The following MFGE8 variants were observed in gnomAD, a reference collection of about 807,000 sequenced individuals.
MFGE8 encodes milk fat globule EGF and factor V/VIII domain containing, also known as lactadherin.
In MFGE8, 34 loss-of-function variants were observed where a neutral mutation model predicts 42.6. The ratio of observed to expected loss-of-function variants is 0.80; its 90% CI spans 0.61 to 1.06. The LOEUF is 1.06. Among genes scored for constraint, MFGE8 ranks in the 50% least tolerant of loss-of-function variants. The probability of loss-of-function intolerance (pLI) is 0.00; values close to 1 mark genes in which losing one functional copy is unlikely to be tolerated. For synonymous variants in MFGE8, 230 were observed against 214.8 expected (o/e 1.07, Z -0.62); for missense variants, 510 against 516.9 (o/e 0.99, Z 0.13).
intron 1 of MFGE8, chr15:88,912,330 GC>G: frequency 1.0e-6 from 1 of 985,292 alleles, no homozygotes; most frequent in Non-Finnish European, 1.2e-6. Context: ...AGGGCCAGGA[GC>G]TCCCAAGTTC....
chr15:88,913,231 G>C lies in MFGE8; in HGVS notation c.73+16C>G, dbSNP rs762627401. 6.7e-7 allele frequency: 1 copy of C among 1,500,998 alleles called. No homozygotes were observed. Among genetic ancestry groups the C allele is most frequent in the Non-Finnish European group, 8.8e-7 (1 of 1,131,908 alleles). 93.0% of individuals were successfully genotyped at this position (1,500,998 alleles called of 1,614,324 possible). On this transcript the variant is annotated intron_variant, in intron 1 of 7. Transcript: ENST00000268150. ...GGAGGAGGGGCGAGGGGCAGAGGGC[G>C]GCGCGATCCACTCACCCAGGGCGAC...
rs1198632700 is a variant in MFGE8, at chr15:88,905,378, C to A, written c.685+379G>T. On this transcript the variant is annotated intron_variant, in intron 5 of 7. Coordinates refer to ENST00000268150, the MANE Select transcript of MFGE8 (RefSeq NM_005928.4). This position sits in a 1 kb window ranked among gnomAD's most constrained non-coding sequence, Gnocchi z 6.6. ...CCTATAAACCAGACACCATTCTAGG[C>A]CCTGGGAATACCGAAGCAAACAAAA... 3 of 436,582 alleles carry A rather than the reference C, an allele frequency of 6.9e-6. No homozygotes were observed. The East Asian group carries it at 1.9e-4, about 28-fold the overall frequency. 27.0% of individuals were successfully genotyped at this position (436,582 alleles called of 1,614,324 possible).
rs774768985 is a variant in MFGE8, at chr15:88,907,353, C to T, written c.229G>A (p.Glu77Lys). The change falls in exon 3 of 8, where the codon GAG (glutamate) becomes AAG (lysine). Residue 77 changes from glutamate to lysine, a missense_variant. By Grantham distance (56) the Glu-to-Lys change is moderately conservative (BLOSUM62 1). Transcript: ENST00000268150. ...TGTGAGTTGGCAATGTTCCCATTCT[C>T]CAGGCCCAGTGGCTCGACACATTCT... ...ETKCVEPLGL[E>K]NGNIANSQIA... is the part of the protein sequence containing the mutation. 3 of 1,614,198 alleles carry T rather than the reference C, an allele frequency of 1.9e-6. No homozygotes were observed. Among genetic ancestry groups the T allele is most frequent in the Non-Finnish European group, 2.5e-6 (3 of 1,180,030 alleles).
intron 1 of MFGE8, chr15:88,910,145 T>C (rs1898892055): frequency 1.9e-6 from 1 of 518,926 alleles, no homozygotes; most frequent in Admixed American, 2.8e-5. Flanking sequence ...AGCGCCCAGC[T>C]TTCCAAGTGG....
At chr15:88,901,517 A>AATACCAACAACGCTGAAC in intron 6 of MFGE8, 34 bp downstream of exon 6, 1 of 1,072,616 alleles carries the variant, frequency 9.3e-7, no homozygotes, top group East Asian at 2.7e-5. Flanking sequence ...ATCCCACCCA[A>AATACCAACAACGCTGAAC]CCCCAGCCCC....
chr15:88,901,985 A>C, intron 5 of MFGE8: 1 of 507,462 alleles, frequency 2.0e-6, no homozygotes, highest in East Asian at 3.7e-5. Flanking sequence ...CCCACTCACC[A>C]CCCTTCTCCT....
Position 88,899,358 on chromosome 15 carries a change from A to G in MFGE8, c.*37T>C. 1 of 1,613,016 alleles carries G rather than the reference A, an allele frequency of 6.2e-7. No individual in the cohort carries two copies. On this transcript the variant is annotated 3_prime_UTR_variant, in exon 8 of 8. Coordinates refer to ENST00000268150, the MANE Select transcript of MFGE8 (RefSeq NM_005928.4). The surrounding 1 kb of genome is among the most constrained non-coding windows in gnomAD (Gnocchi z 6.8). ...TGAGAAGCCAAGAGGCAGCGGGCCC[A>G]TGGAAAGCAGGAAGACCTGGGGGTG... is the stretch of plus-strand genomic sequence containing the variant.
rs939350988 is a variant in MFGE8, at chr15:88,905,911, A to T, written c.541-10T>A. The T allele has an allele frequency of 1.1e-5, 17 of 1,614,004 alleles. No individual in the cohort carries two copies. Among genetic ancestry groups the T allele is most frequent in the Non-Finnish European group, 1.4e-5 (16 of 1,180,010 alleles). ...AGTTACCCACAAACTCCTAGCAGGG[A>T]AGGGACAAGACTGGAGAAGGGGGTC... On this transcript the variant is annotated splice_polypyrimidine_tract_variant and intron_variant, in intron 4 of 7. Coordinates refer to ENST00000268150, the MANE Select transcript of MFGE8 (RefSeq NM_005928.4). This position sits in a 1 kb window ranked among gnomAD's most constrained non-coding sequence, Gnocchi z 6.6.
chr15:88,899,141 C>T lies in MFGE8; in HGVS notation c.*254G>A. ...CCCTTTCCTGTCCATCCCAGACCTA[C>T]TCAGATCCCTCAGTGCCTAAGAAAA... is the stretch of plus-strand genomic sequence containing the variant. On this transcript the variant is annotated 3_prime_UTR_variant, in exon 8 of 8. Coordinates refer to ENST00000268150, the MANE Select transcript of MFGE8 (RefSeq NM_005928.4). The surrounding 1 kb of genome is among the most constrained non-coding windows in gnomAD (Gnocchi z 6.8). 5.2e-6 allele frequency: 3 copies of T among 575,672 alleles called. No individual in the cohort carries two copies. The highest frequency in any genetic ancestry group is 9.3e-6 in the Non-Finnish European group (3 of 323,418). The allele number at this position is 575,672 out of a possible 1,614,324, so 35.7% of individuals were successfully genotyped here.
Position 88,905,918 on chromosome 15 carries a change from A to G in MFGE8, c.541-17T>C. 5 of 1,614,086 alleles carry G rather than the reference A, an allele frequency of 3.1e-6. No homozygotes were observed. The highest frequency in any genetic ancestry group is 4.2e-6 in the Non-Finnish European group (5 of 1,179,980). ...CACAAACTCCTAGCAGGGAAGGGAC[A>G]AGACTGGAGAAGGGGGTCCATCTGA... is the stretch of plus-strand genomic sequence containing the variant. On this transcript the variant is annotated splice_polypyrimidine_tract_variant and intron_variant, in intron 4 of 7. Coordinates refer to ENST00000268150, the MANE Select transcript of MFGE8 (RefSeq NM_005928.4). This position sits in a 1 kb window ranked among gnomAD's most constrained non-coding sequence, Gnocchi z 6.6.
chr15:88,908,043 T>A (rs1014393217), intron 2 of MFGE8, among the ~76,000 whole-genome samples: 2 of 152,124 alleles, frequency 1.3e-5, no homozygotes, highest in Non-Finnish European at 2.9e-5. Flanking sequence ...CTTTACGCCT[T>A]CCACCTGTGG....
Position 88,899,260 on chromosome 15 carries a change from G to T in MFGE8, c.*135C>A. 1 of 1,194,610 alleles carries T rather than the reference G, an allele frequency of 8.4e-7. No individual in the cohort carries two copies. Among genetic ancestry groups the T allele is most frequent in the Non-Finnish European group, 1.2e-6 (1 of 841,066 alleles). The allele number at this position is 1,194,610 out of a possible 1,614,324, so 74.0% of individuals were successfully genotyped here. A position where few individuals can be genotyped will look rare whatever the true frequency, so the allele number is the denominator to read the frequency against. On this transcript the variant is annotated 3_prime_UTR_variant, in exon 8 of 8. Transcript: ENST00000268150. This position sits in a 1 kb window ranked among gnomAD's most constrained non-coding sequence, Gnocchi z 6.8. The stretch of plus-strand genomic sequence containing the variant: ...GGGTGGGAAAGAGGGAGGGAGGGGT[G>T]ACTGTGTGGTGGTGCTGCCTCTGAA...
intron 6 of MFGE8, 43 bp downstream of exon 6, chr15:88,901,508 T>TCCCC: frequency 1.1e-6 from 1 of 924,210 alleles, no homozygotes; most frequent in Non-Finnish European, 1.7e-6. Context: ...TCCCACCTCA[T>TCCCC]CCCACCCAAC....
chr15:88,907,743 A>C (rs891803672), intron 2 of MFGE8, among the ~76,000 whole-genome samples: 1 of 151,624 alleles, frequency 6.6e-6, no homozygotes, highest in Non-Finnish European at 1.5e-5. Context: ...CCTCGTTCAT[A>C]TAGGGCATCT....
chr15:88,906,688 C>T lies in MFGE8; in HGVS notation c.478G>A (p.Val160Met), dbSNP rs762624695. ...ASHEYLKAFK[V>M]AYSLNGHEFD... ...TCGTGTCCATTAAGGCTGTAGGCCA[C>T]CTTGAAGGCCTTCAGGTACTCATGA... Residue 160 changes from valine (V) to methionine (M), a missense_variant, in exon 4 of 8, where the codon GTG becomes ATG. By Grantham distance (21) the Val-to-Met change is conservative (BLOSUM62 1). Transcript: ENST00000268150. This position sits in a 1 kb window ranked among gnomAD's most constrained non-coding sequence, Gnocchi z 4.2. 1 of 1,613,974 alleles carries T rather than the reference C, an allele frequency of 6.2e-7. No homozygotes were observed. The highest frequency in any genetic ancestry group is 8.5e-7 in the Non-Finnish European group (1 of 1,179,946).
In MFGE8 at chr15:88,909,579, C is replaced by CA. The variant is rs200704928; in HGVS notation, c.205+212dup. Among the ~76,000 whole-genome samples the CA allele has an allele frequency of 9.8e-3, 1,490 of 152,306 alleles. 20 individuals carry two copies. The highest frequency in any genetic ancestry group is 0.033 in the African/African-American group (1,360 of 41,564). The stretch of plus-strand genomic sequence containing the variant: ...GGCAGTCTCAGGAAAGAGGGCCAGG[C>CA]AGAAAGAAGGAAGAAACAACAGGAC... On this transcript the variant is annotated intron_variant, in intron 2 of 7. Coordinates refer to ENST00000268150, the MANE Select transcript of MFGE8 (RefSeq NM_005928.4).
At chr15:88,912,819 A>C in intron 1 of MFGE8, 1 of 985,380 alleles carries the variant, frequency 1.0e-6, no homozygotes, top group Non-Finnish European at 1.2e-6. Context: ...AGCCAACTGG[A>C]GTTGGCAGGG....
Position 88,902,250 on chromosome 15 carries a change from AG to A in MFGE8, c.686-516del, listed in dbSNP as rs1273854820. ...ATTTAACCTGCCACCAAAAAAAAAA[AG>A]AAAAAAAAACACTAAATGAAGTAGA... On this transcript the variant is annotated intron_variant, in intron 5 of 7. Transcript: ENST00000268150. The surrounding 1 kb of genome is among the most constrained non-coding windows in gnomAD (Gnocchi z 4.3). 3.3e-4 allele frequency: 52 copies of A among 155,782 alleles called. No homozygotes were observed. Among genetic ancestry groups the A allele is most frequent in the Middle Eastern group, 3.1e-3 (1 of 320 alleles). The allele number at this position is 155,782 out of a possible 1,614,324, so 9.6% of individuals were successfully genotyped here. A position where few individuals can be genotyped will look rare whatever the true frequency, so the allele number is the denominator to read the frequency against.
chr15:88,911,617 C>G (rs1898959453), intron 1 of MFGE8, among the ~76,000 whole-genome samples: 1 of 151,932 alleles, frequency 6.6e-6, no homozygotes, highest in East Asian at 1.9e-4. Flanking sequence ...GTCCCAGCTA[C>G]TTGGGAGGCT....
Sources: allele counts gnomAD v4.1 joint callset (sites outside exome capture counted in the v4.1 genomes callset), GRCh38; gene constraint gnomAD v4.1.1; non-coding constraint Gnocchi (gnomAD v3.1); transcripts MANE v1.5; gene names NCBI Gene and HGNC (gene_info 2026-07-23, HGNC 2026-07-21).